The following ZNF888 variants were observed in gnomAD, a reference collection of about 807,000 sequenced individuals.
ZNF888 encodes the protein CTD-2331H12.6.
A neutral mutation model predicts 7.2 loss-of-function variants in ZNF888; 5 were observed. The ratio of observed to expected loss-of-function variants is 0.70; its 90% CI spans 0.36 to 1.46. The LOEUF is 1.46. Ranked by LOEUF, ZNF888 falls within the 40% of genes most tolerant of loss-of-function variation. The probability of loss-of-function intolerance (pLI) is 0.03; values close to 1 mark genes in which losing one functional copy is unlikely to be tolerated. For synonymous variants in ZNF888, 240 were observed against 284.3 expected, an observed-to-expected ratio of 0.84 and a Z score of 1.57; for missense variants, 716 against 858.0, an observed-to-expected ratio of 0.83 and a Z score of 2.07.
At chr19:52,916,554 GTATA>G (rs1447880991) in intron 3 of ZNF888, among the ~76,000 whole-genome samples, 2 of 147,008 alleles carry the variant, frequency 1.4e-5, no homozygotes, top group Admixed American at 6.8e-5. Flanking sequence ...GGGGATGTGT[GTATA>G]TATATTATAT....
chr19:52,919,147 CCTCTCCCTCTCCCTCTCCCTCCTCTCG>C (rs1456009421), intron 1 of ZNF888, among the ~76,000 whole-genome samples: 2 of 1,034 alleles, frequency 1.9e-3, no homozygotes, highest in African/African-American at 0.02. Context: ...TCTCCCTCTC[CCTCTCCCTCTCCCTCTCCCTCCTCTCG>C]CTCTCCCTCT....
intron 1 of ZNF888, among the ~76,000 whole-genome samples, chr19:52,922,796 C>G (rs1228140113): frequency 6.6e-6 from 1 of 152,184 alleles, no homozygotes; most frequent in South Asian, 2.1e-4. Context: ...GCTGGGCAGG[C>G]AAGAACACCC....
Position 52,904,960 on chromosome 19 carries a change from C to A in ZNF888, c.*1205G>T. On this transcript the variant is annotated 3_prime_UTR_variant, in exon 5 of 5. Transcript: ENST00000638862. ...ACAATTTTAAAAGAAAATTTAAAAA[C>A]ACTTCCATTTGCTAGAGAACTTAAA... 6.5e-6 allele frequency: 1 copy of A among 152,790 alleles called. No individual in the cohort carries two copies. The allele number at this position is 152,790 out of a possible 1,614,324, so 9.5% of individuals were successfully genotyped here. A position where few individuals can be genotyped will look rare whatever the true frequency, so the allele number is the denominator to read the frequency against.
chr19:52,906,880 A>C lies in ZNF888; in HGVS notation c.1442T>G (p.Leu481Arg). 6.2e-7 allele frequency: 1 copy of C among 1,612,012 alleles called. No homozygotes were observed. Among genetic ancestry groups the C allele is most frequent in the Non-Finnish European group, 8.5e-7 (1 of 1,179,570 alleles). ...CDKVFSRKSH[L>R]ERHRRIHTGE... is the part of the protein sequence containing the mutation. ...AGTGTGAATTCTCCTATGTCTTTCAAGGTGTGATTTGCGACTGAAAACTTT... is the reference window on the plus strand; with the variant it reads ...AGTGTGAATTCTCCTATGTCTTTCACGGTGTGATTTGCGACTGAAAACTTT... The change falls in exon 5 of 5, where the codon CTT becomes CGT. Residue 481 changes from leucine (L) to arginine (R), a missense_variant. Transcript: ENST00000638862.
rs986291464 is a variant in ZNF888 at position 52,905,999 on chromosome 19, T to G, written c.*166A>C. The stretch of plus-strand genomic sequence containing the variant: ...AAGACCTTGCCTCAATCATGACATT[T>G]GTAAGGTTTCTCTCCAGTATGAGTT... On this transcript the variant is annotated 3_prime_UTR_variant, in exon 5 of 5. Transcript: ENST00000638862. The G allele has an allele frequency of 1.8e-6, 2 of 1,097,190 alleles. No homozygotes were observed. The highest frequency in any genetic ancestry group is 2.8e-6 in the Non-Finnish European group (2 of 716,866). The allele number at this position is 1,097,190 out of a possible 1,614,324, so 68.0% of individuals were successfully genotyped here.
intron 3 of ZNF888, 62 bp downstream of exon 3, chr19:52,917,797 T>C (rs949999752): frequency 2.5e-6 from 4 of 1,611,626 alleles, no homozygotes; most frequent in Admixed American, 1.7e-5. Context: ...GTTTCCCAAC[T>C]CCAAGGCCCA....
At chr19:52,914,243 C>A (rs759477514) in intron 4 of ZNF888, 1 of 542,538 alleles carries the variant, frequency 1.8e-6, no homozygotes, top group Non-Finnish European at 2.4e-6. Flanking sequence ...TTTCCCCACA[C>A]ACTATTTGAA....
chr19:52,923,020 G>C (rs1308069314), intron 1 of ZNF888, among the ~76,000 whole-genome samples: 1 of 152,156 alleles, frequency 6.6e-6, no homozygotes, highest in African/African-American at 2.4e-5. Context: ...GGGCTCCAGG[G>C]GCCGACGAGG....
chr19:52,914,286 T>C (rs1183655877), intron 4 of ZNF888: 1 of 951,438 alleles, frequency 1.1e-6, no homozygotes, highest in Non-Finnish European at 1.3e-6. Flanking sequence ...TCTGAGCTCT[T>C]ACCTGCGTTT....
chr19:52,912,214 C>T (rs1310108365), intron 4 of ZNF888, among the ~76,000 whole-genome samples: 2 of 147,766 alleles, frequency 1.4e-5, no homozygotes, highest in African/African-American at 2.5e-5. Context: ...CCCGGGTTAG[C>T]GCCATTCTCC....
intron 4 of ZNF888, among the ~76,000 whole-genome samples, chr19:52,908,534 T>A (rs1379371956): frequency 6.6e-6 from 1 of 152,178 alleles, no homozygotes; most frequent in Non-Finnish European, 1.5e-5. Flanking sequence ...TTCTTCATAT[T>A]TACAGCATAT....
chr19:52,908,131 T>C lies in ZNF888; in HGVS notation c.191A>G (p.Asn64Ser). The C allele has an allele frequency of 6.2e-7, 1 of 1,614,114 alleles. No individual in the cohort carries two copies. Among genetic ancestry groups the C allele is most frequent in the South Asian group, 1.1e-5 (1 of 91,076 alleles). The part of the protein sequence containing the change: ...MMEFSSIGKG[N>S]TEVIHTGTLQ... Reference sequence around the variant, plus strand: ...TGTCCCTGTGTGGATCACTTCTGTATTGCCTTTCCCTATTGATGAGAACTC... The same window carrying C: ...TGTCCCTGTGTGGATCACTTCTGTACTGCCTTTCCCTATTGATGAGAACTC... Residue 64 changes from asparagine (N) to serine (S), a missense_variant, in exon 5 of 5, where the codon AAT (asparagine) becomes AGT (serine). This residue lies in a region of ZNF888 where 697 missense variants were observed against 803.4 expected (regional missense o/e 0.87). Coordinates refer to ENST00000638862, the MANE Select transcript of ZNF888 (RefSeq NM_001393938.1).
chr19:52,918,305 C>T, intron 2 of ZNF888: 3 of 493,460 alleles, frequency 6.1e-6, no homozygotes, highest in Non-Finnish European at 7.9e-6. Context: ...GCCTGGGCAA[C>T]ATGGTGAAAC....
intron 4 of ZNF888, among the ~76,000 whole-genome samples, chr19:52,913,249 T>C (rs769514379): frequency 3.3e-5 from 5 of 151,386 alleles, no homozygotes; most frequent in Non-Finnish European, 7.4e-5. Context: ...ATGCAACATA[T>C]ACAGAAATAA....
chr19:52,907,505 T>C lies in ZNF888; in HGVS notation c.817A>G (p.Asn273Asp). The C allele has an allele frequency of 6.2e-7, 1 of 1,606,336 alleles. No homozygotes were observed. Among genetic ancestry groups the C allele is most frequent in the Admixed American group, 1.7e-5 (1 of 58,590 alleles). Residue 273 changes from asparagine to aspartate, a missense_variant, in exon 5 of 5, where the codon AAT (asparagine) becomes GAT (aspartate). Coordinates refer to ENST00000638862, the MANE Select transcript of ZNF888 (RefSeq NM_001393938.1). The part of the protein sequence containing the change: ...CHTGEKPYMC[N>D]KCGKVFNKKA... ...TTATTAAAAACCTTGCCACATTTAT[T>C]ACACATGTAAGGTTTCTCACCAGTG...
intron 1 of ZNF888, among the ~76,000 whole-genome samples, chr19:52,919,628 A>G (rs1435424432): frequency 1.5e-5 from 1 of 67,490 alleles, no homozygotes; most frequent in African/African-American, 4.7e-5. Context: ...CAGTCTGGAA[A>G]GTGAGGAGCG....
intron 2 of ZNF888, among the ~76,000 whole-genome samples, chr19:52,918,451 T>A (rs764080476): frequency 6.6e-6 from 1 of 152,056 alleles, no homozygotes; most frequent in African/African-American, 2.4e-5. Flanking sequence ...CTGGCAAACA[T>A]GGTGAAACCC....
chr19:52,912,221 C>G (rs918747828), intron 4 of ZNF888, among the ~76,000 whole-genome samples: 4 of 150,812 alleles, frequency 2.7e-5, no homozygotes, highest in Admixed American at 1.3e-4. Flanking sequence ...TAGCGCCATT[C>G]TCCTGCCTCA....
intron 2 of ZNF888, among the ~76,000 whole-genome samples, chr19:52,918,562 C>A (rs377141670): frequency 6.6e-6 from 1 of 151,926 alleles, no homozygotes; most frequent in South Asian, 2.1e-4. Flanking sequence ...TTGAGGTCAG[C>A]GTTCAAGACC....
Sources: gnomAD v4.1 joint callset for allele counts (sites outside exome capture counted in the v4.1 genomes callset) on GRCh38, gnomAD v4.1.1 for gene constraint, gnomAD v4.1.1 regional missense constraint, MANE v1.5 for transcripts, NCBI Gene and HGNC (gene_info 2026-07-23, HGNC 2026-07-21) for gene names.